KMT2D: variants seen among roughly 807,000 people sequenced by gnomAD.
The protein encoded by KMT2D is histone-lysine N-methyltransferase 2D.
KMT2D carries 55 observed loss-of-function variants against 512.7 expected under a neutral mutation model. The ratio of observed to expected loss-of-function variants is 0.11; its 90% CI spans 0.09 to 0.13. The LOEUF is 0.13. KMT2D is among the 10% of genes least tolerant of loss of function. The probability of loss-of-function intolerance (pLI) is 1.00; values close to 1 mark genes in which losing one functional copy is unlikely to be tolerated. For synonymous variants in KMT2D, 2,995 were observed against 2,904.0 expected, an observed-to-expected ratio of 1.03 and a Z score of -1.01; for missense variants, 6,061 against 7,127.9, an observed-to-expected ratio of 0.85 and a Z score of 5.39.
Position 49,031,501 on chromosome 12 carries a change from C to G in KMT2D, c.13204G>C (p.Val4402Leu). Reference sequence around the variant, plus strand: ...GCCTCAGGCACCACCTGTCCATTCACCTGGTCCAGATGCCCAGGTACCAGG... The same window carrying G: ...GCCTCAGGCACCACCTGTCCATTCAGCTGGTCCAGATGCCCAGGTACCAGG... The part of the protein sequence containing the change: ...SSLVPGHLDQ[V>L]NGQVVPEASQ... Residue 4402 changes from valine to leucine, a missense_variant, in exon 40 of 55, where the codon GTG becomes CTG. By Grantham distance (32) the Val-to-Leu change is conservative. Around this residue, in one of 16 missense-constraint regions of KMT2D, gnomAD observed 1,600 missense variants for 1,754.9 expected, o/e 0.91. Coordinates refer to ENST00000301067, the MANE Select transcript of KMT2D (RefSeq NM_003482.4). 2 of 1,612,876 alleles carry G rather than the reference C, an allele frequency of 1.2e-6. No homozygotes were observed. The highest frequency in any genetic ancestry group is 2.2e-5 in the South Asian group (2 of 90,886).
At position 49,041,289 on chromosome 12, in the gene KMT2D, G is replaced by A. The variant is rs2120544519; in HGVS notation, c.6481C>T (p.Leu2161Phe). 6.6e-7 allele frequency: 1 copy of A among 1,524,550 alleles called. No homozygotes were observed. The highest frequency in any genetic ancestry group is 8.8e-7 in the Non-Finnish European group (1 of 1,139,296). The allele number at this position is 1,524,550 out of a possible 1,614,324, so 94.4% of individuals were successfully genotyped here. ...PGPDSPGELFLKLPPQVPAQV... is the reference protein window; with the variant it reads ...PGPDSPGELFFKLPPQVPAQV... ...GCGGGCACCTGGGGTGGGAGCTTGA[G>A]GAAGAGCTCACCAGGCGAGTCAGGG... The change falls in exon 32 of 55, where the codon CTC becomes TTC. Residue 2161 changes from leucine (L) to phenylalanine (F), a missense_variant. Transcript: ENST00000301067. This position sits in a 1 kb window ranked among gnomAD's most constrained non-coding sequence, Gnocchi z 5.4.
rs749007767 is a variant in KMT2D, at chr12:49,043,642, C to T, written c.5460G>A (p.Ser1820=). The change falls in exon 24 of 55, where the codon TCG becomes TCA. Residue 1820 remains serine, a synonymous_variant. Transcript: ENST00000301067. ...GGSERKELPT[S]QKGDDGPDIA... ...CACTCCCACATAACTAACCTTTCTGCGATGTGGGGAGTTCCTTCCTTTCTG... is the reference window on the plus strand; with the variant it reads ...CACTCCCACATAACTAACCTTTCTGTGATGTGGGGAGTTCCTTCCTTTCTG... The T allele has an allele frequency of 9.9e-6, 16 of 1,613,852 alleles. No homozygotes were observed. Among genetic ancestry groups the T allele is most frequent in the East Asian group, 4.5e-5 (2 of 44,894 alleles).
Position 49,034,416 on chromosome 12 carries a change from C to G in KMT2D, c.10501G>C (p.Val3501Leu), listed in dbSNP as rs1943114282. 6.2e-7 allele frequency: 1 copy of G among 1,613,778 alleles called. No individual in the cohort carries two copies. ...RPNPPTFAQG[V>L]INEADQRQYE... Reference sequence around the variant, plus strand: ...TCCCACGCCCCATACTCACTGATCACTCCCTGAGCAAAAGTGGGCGGGTTG... The same window carrying G: ...TCCCACGCCCCATACTCACTGATCAGTCCCTGAGCAAAAGTGGGCGGGTTG... Residue 3501 changes from valine (V) to leucine (L), a missense_variant, in exon 38 of 55, where the codon GTG becomes CTG. Coordinates refer to ENST00000301067, the MANE Select transcript of KMT2D (RefSeq NM_003482.4).
Position 49,048,893 on chromosome 12 carries a change from A to G in KMT2D, c.4021-124T>C, listed in dbSNP as rs1203235810. The stretch of plus-strand genomic sequence containing the variant: ...TTAAGATGAAGGCCAAAAGCCAGGA[A>G]TAACAGACAGAACACCCCAGCTCCC... On this transcript the variant is annotated intron_variant, in intron 13 of 54. Transcript: ENST00000301067. 4.2e-5 allele frequency: 31 copies of G among 742,162 alleles called. No individual in the cohort carries two copies. The South Asian group carries it at 4.3e-4, about 10-fold the overall frequency. 46.0% of individuals were successfully genotyped at this position (742,162 alleles called of 1,614,324 possible). A position where few individuals can be genotyped will look rare whatever the true frequency, so the allele number is the denominator to read the frequency against.
In KMT2D at chr12:49,043,859, G is replaced by A. The variant is rs200810663; in HGVS notation, c.5319+9C>T. On this transcript the variant is annotated intron_variant, in intron 23 of 54. Transcript: ENST00000301067. ...ACACCTCCCTCACTGCTTGGAGCCT[G>A]AGACCCACCTGCAAGTAAGCAGGGA... The A allele has an allele frequency of 6.2e-7, 1 of 1,614,082 alleles. No homozygotes were observed. The highest frequency in any genetic ancestry group is 2.2e-5 in the East Asian group (1 of 44,884).
chr12:49,053,064 C>T lies in KMT2D; in HGVS notation c.963G>A (p.Arg321=), dbSNP rs745984786. ...AGCCCGCCCCACAGGCCCGGCACAC[C>T]CGGCACGCCTAAGGGAAGGGAGTGG... ...PAHSWKCKAC[R]VCRACGAGSA... The change falls in exon 9 of 55, where the codon CGG becomes CGA. Residue 321 remains arginine, a synonymous_variant. Transcript: ENST00000301067. 12 of 1,613,926 alleles carry T rather than the reference C, an allele frequency of 7.4e-6. No individual in the cohort carries two copies. The highest frequency in any genetic ancestry group is 3.3e-5 in the Admixed American group (2 of 60,014).
chr12:49,045,163 G>A (rs1943727353), intron 19 of KMT2D, among the ~76,000 whole-genome samples, 198 bp from the exon 20 acceptor site: 1 of 152,188 alleles, frequency 6.6e-6, no homozygotes, highest in African/African-American at 2.4e-5. Context: ...GGGAGATTCA[G>A]AGAGGAACTG....
At position 49,031,786 on chromosome 12, in the gene KMT2D, G is replaced by T. The variant is rs779897575; in HGVS notation, c.12919C>A (p.Pro4307Thr). ...STGPVLGPVH[P>T]TPPPSSPQEP... ...TGAGGGCTGGATGGTGGAGGTGTGGGATGGACAGGGCCAAGGACTGGTCCT... is the reference window on the plus strand; with the variant it reads ...TGAGGGCTGGATGGTGGAGGTGTGGTATGGACAGGGCCAAGGACTGGTCCT... The change falls in exon 40 of 55, where the codon CCC (proline) becomes ACC (threonine). Residue 4307 changes from proline (P) to threonine (T), a missense_variant. Pro to Thr is a conservative substitution (Grantham distance 38). Around this residue, in one of 16 missense-constraint regions of KMT2D, gnomAD observed 1,600 missense variants for 1,754.9 expected, o/e 0.91. Transcript: ENST00000301067. The T allele has an allele frequency of 6.2e-7, 1 of 1,609,036 alleles. No homozygotes were observed. The highest frequency in any genetic ancestry group is 8.5e-7 in the Non-Finnish European group (1 of 1,177,288).
chr12:49,019,022 G>T lies in KMT2D; in HGVS notation c.*2758C>A. 1 of 1,385,752 alleles carries T rather than the reference G, an allele frequency of 7.2e-7. No homozygotes were observed. Among genetic ancestry groups the T allele is most frequent in the Non-Finnish European group, 9.3e-7 (1 of 1,072,330 alleles). 85.8% of individuals were successfully genotyped at this position (1,385,752 alleles called of 1,614,324 possible). ...TTATTTGTCGTTTAAAAACAAACTT[G>T]GAAGAAGCAAAATCCAAAACTTGCC... On this transcript the variant is annotated 3_prime_UTR_variant, in exon 55 of 55. Coordinates refer to ENST00000301067, the MANE Select transcript of KMT2D (RefSeq NM_003482.4).
intron 15 of KMT2D, 139 bp downstream of exon 15, chr12:49,047,826 A>G (rs1484933476): frequency 1.7e-6 from 1 of 598,352 alleles, no homozygotes; most frequent in African/African-American, 1.8e-5. Flanking sequence ...TCCCCAAGAA[A>G]AGTTTGATAA....
Position 49,031,016 on chromosome 12 carries a change from C to T in KMT2D, c.13548G>A (p.Lys4516=), listed in dbSNP as rs2120413668. The T allele has an allele frequency of 6.2e-7, 1 of 1,613,896 alleles. No homozygotes were observed. Among genetic ancestry groups the T allele is most frequent in the Non-Finnish European group, 8.5e-7 (1 of 1,179,876 alleles). The part of the protein sequence containing the change: ...PSNKEDAAAR[K]PLTPKPKRVQ... ...CCCGCTTGGGCTTCGGTGTCAAAGG[C>T]TTCCTTGCTGCTGCATCCTAAGCCA... Residue 4516 remains lysine (K), a synonymous_variant, in exon 41 of 55, where the codon AAG becomes AAA. Transcript: ENST00000301067.
intron 40 of KMT2D, 67 bp downstream of exon 40, chr12:49,031,108 C>G (rs1942884903): frequency 6.2e-7 from 1 of 1,610,780 alleles, no homozygotes; most frequent in African/African-American, 1.3e-5. Flanking sequence ...GACCCAGGCT[C>G]ACTCATTCTG....
intron 13 of KMT2D, 142 bp downstream of exon 13, chr12:49,048,963 G>T: frequency 2.9e-6 from 2 of 688,250 alleles, no homozygotes; most frequent in Non-Finnish European, 5.1e-6. Flanking sequence ...AAAAACCTGC[G>T]GGCCAAGTGG....
Position 49,052,243 on chromosome 12 carries a change from AG to A in KMT2D, c.1439del (p.Pro480LeufsTer450). The A allele has an allele frequency of 6.2e-7, 1 of 1,612,270 alleles. No individual in the cohort carries two copies. The highest frequency in any genetic ancestry group is 8.5e-7 in the Non-Finnish European group (1 of 1,179,150). ...GCGGCCGGGACAGGTGCAATGCCTC[AG>A]GAAGTGGGGATGCGGGCAATTCCTC... ...PPEELPASPL[P>X]EALHLSRPLE... On this transcript the variant is annotated frameshift_variant, in exon 11 of 55. Coordinates refer to ENST00000301067, the MANE Select transcript of KMT2D (RefSeq NM_003482.4). LOFTEE classifies it high-confidence loss of function.
At position 49,038,930 on chromosome 12, in the gene KMT2D, G is replaced by T. The variant is rs1395799946; in HGVS notation, c.8426C>A (p.Pro2809His). 1.3e-6 allele frequency: 2 copies of T among 1,551,752 alleles called. No individual in the cohort carries two copies. Among genetic ancestry groups the T allele is most frequent in the Non-Finnish European group, 1.7e-6 (2 of 1,147,038 alleles). Residue 2809 changes from proline to histidine, a missense_variant, in exon 35 of 55, where the codon CCC becomes CAC. This residue lies in a region of KMT2D where 527 missense variants were observed against 578.9 expected (regional missense o/e 0.91). Coordinates refer to ENST00000301067, the MANE Select transcript of KMT2D (RefSeq NM_003482.4). This position sits in a 1 kb window ranked among gnomAD's most constrained non-coding sequence, Gnocchi z 5.7. The stretch of plus-strand genomic sequence containing the variant: ...CAGTTGTTGCTGTTGCTGCTGTAAG[G>T]GCAGGGACCCAGGATAGGGTGCTCG... ...YQRAPYPGSL[P>H]LQQQQQQLWQ...
In KMT2D at chr12:49,026,072, G is replaced by A. The variant is rs147318729; in HGVS notation, c.15784+110C>T. 1.0e-4 allele frequency: 112 copies of A among 1,074,448 alleles called. No individual in the cohort carries two copies. In the Middle Eastern group the frequency reaches 3.8e-3, roughly 36 times the overall value. The allele number at this position is 1,074,448 out of a possible 1,614,324, so 66.6% of individuals were successfully genotyped here. A position where few individuals can be genotyped will look rare whatever the true frequency, so the allele number is the denominator to read the frequency against. ...CCCCTGCCTGCCTGAGGTGGGGGAA[G>A]GAGGATCATTCACATAGAAGCTACA... On this transcript the variant is annotated intron_variant, in intron 49 of 54. Transcript: ENST00000301067. The surrounding 1 kb of genome is among the most constrained non-coding windows in gnomAD (Gnocchi z 9.6).
intron 15 of KMT2D, among the ~76,000 whole-genome samples, chr12:49,047,105 C>T (rs1393694228): frequency 6.6e-6 from 1 of 152,128 alleles, no homozygotes; most frequent in Non-Finnish European, 1.5e-5. Flanking sequence ...CTCACCCTCC[C>T]GAAGTAAAGT....
In KMT2D at chr12:49,050,437, C is replaced by T. The variant is rs1229315707; in HGVS notation, c.3151G>A (p.Val1051Ile). 8.7e-6 allele frequency: 14 copies of T among 1,613,738 alleles called. No individual in the cohort carries two copies. The highest frequency in any genetic ancestry group is 1.6e-4 in the Middle Eastern group (1 of 6,084). Residue 1051 changes from valine (V) to isoleucine (I), a missense_variant, in exon 12 of 55, where the codon GTT becomes ATT. By Grantham distance (29) the Val-to-Ile change is conservative. This residue lies in a region of KMT2D where 447 missense variants were observed against 500.1 expected (regional missense o/e 0.89). Transcript: ENST00000301067. ...CCTATGGGACTCAACGGGGAGGGAACGGACAGTGGTAGGGCAGGAGGAGAG... is the reference window on the plus strand; with the variant it reads ...CCTATGGGACTCAACGGGGAGGGAATGGACAGTGGTAGGGCAGGAGGAGAG... ...QCSPPALPLS[V>I]PSPLSPIGKV...
At position 49,051,917 on chromosome 12, in the gene KMT2D, G is replaced by A. The variant is rs2120678838; in HGVS notation, c.1766C>T (p.Pro589Leu). The A allele has an allele frequency of 6.2e-7, 1 of 1,612,664 alleles. No homozygotes were observed. The highest frequency in any genetic ancestry group is 1.3e-5 in the African/African-American group (1 of 74,552). Reference protein sequence around the residue: ...SPMSPPPEESPMSPPPEASRL... With the variant: ...SPMSPPPEESLMSPPPEASRL... ...AGATGCCTCCGGTGGTGGAGACATG[G>A]GTGACTCTTCAGGTGGAGGGGACAT... The change falls in exon 11 of 55, where the codon CCC becomes CTC. Residue 589 changes from proline to leucine, a missense_variant. By Grantham distance (98) the Pro-to-Leu change is moderately conservative. Coordinates refer to ENST00000301067, the MANE Select transcript of KMT2D (RefSeq NM_003482.4).
Sources: allele counts gnomAD v4.1 joint callset (sites outside exome capture counted in the v4.1 genomes callset), GRCh38; gene constraint gnomAD v4.1.1; regional missense constraint gnomAD v4.1.1; non-coding constraint Gnocchi (gnomAD v3.1); transcripts MANE v1.5; gene names NCBI Gene and HGNC (gene_info 2026-07-23, HGNC 2026-07-21).